The following DGCR8 variants were observed in gnomAD, a reference collection of about 807,000 sequenced individuals.
The protein encoded by DGCR8 is DGCR8 microprocessor complex subunit.
In DGCR8, 14 loss-of-function variants were observed where a neutral mutation model predicts 78.5. The observed-to-expected ratio is 0.18, with a 90% CI of 0.12 to 0.28. The LOEUF (loss-of-function observed/expected upper bound fraction) is 0.28. Ranked by LOEUF, DGCR8 falls within the 10% of genes least tolerant of loss-of-function variation. DGCR8 has a pLI of 1.00. For missense variants in DGCR8, 702 were observed against 1,022.5 expected, an observed-to-expected ratio of 0.69 and a Z score of 4.28; for synonymous variants, 399 against 402.4, an observed-to-expected ratio of 0.99 and a Z score of 0.10.
At chr22:20,102,498 G>A (rs1175313877) in intron 9 of DGCR8, among the ~76,000 whole-genome samples, 1 of 152,204 alleles carries the variant, frequency 6.6e-6, no homozygotes, top group Non-Finnish European at 1.5e-5. Flanking sequence ...CAGTAAGGCT[G>A]CTGTAAGGTC....
Position 20,086,489 on chromosome 22 carries a change from G to A in DGCR8, c.526G>A (p.Gly176Ser), listed in dbSNP as rs541503891. The A allele has an allele frequency of 2.3e-5, 37 of 1,614,030 alleles. 1 individual carries two copies. The South Asian group carries it at 4.0e-4, about 17-fold the overall frequency. The part of the protein sequence containing the change: ...GSVGDGVGIG[G>S]ESADKKDEEN... ...TGTTGGTGACGGGGTAGGCATAGGG[G>A]GTGAGAGTGCTGATAAGAAGGATGA... The change falls in exon 2 of 14, where the codon GGT (glycine) becomes AGT (serine). Residue 176 changes from glycine to serine, a missense_variant. Gly to Ser is a moderately conservative substitution (Grantham distance 56). Transcript: ENST00000351989. The surrounding 1 kb of genome is among the most constrained non-coding windows in gnomAD (Gnocchi z 6.4).
Position 20,106,673 on chromosome 22 carries a change from T to C in DGCR8, c.1971T>C (p.Cys657=). 1 of 1,613,914 alleles carries C rather than the reference T, an allele frequency of 6.2e-7. No homozygotes were observed. Among genetic ancestry groups the C allele is most frequent in the Non-Finnish European group, 8.5e-7 (1 of 1,179,758 alleles). The change falls in exon 11 of 14, where the codon TGT becomes TGC. Residue 657 remains cysteine, a synonymous_variant. Transcript: ENST00000351989. ...KNQKSEYVMA[C]GKHTVRGWCK... Reference sequence around the variant, plus strand: ...AGAAGAGTGAATACGTCATGGCGTGTGGCAAGCACACAGTGCGCGGGTGGT... The same window carrying C: ...AGAAGAGTGAATACGTCATGGCGTGCGGCAAGCACACAGTGCGCGGGTGGT...
chr22:20,093,555 A>G (rs2049591620), intron 8 of DGCR8, among the ~76,000 whole-genome samples: 1 of 152,170 alleles, frequency 6.6e-6, no homozygotes, highest in African/African-American at 2.4e-5. Context: ...TTTTAAACTG[A>G]GCAGCATGTG....
intron 8 of DGCR8, among the ~76,000 whole-genome samples, chr22:20,093,572 C>G (rs185048578): frequency 6.6e-6 from 1 of 152,322 alleles, no homozygotes; most frequent in Admixed American, 6.5e-5. Flanking sequence ...TGTGGGCATG[C>G]CAGGAGGGAG....
chr22:20,094,261 G>GCCCTCTAGCAGCT (rs1301767808), intron 8 of DGCR8, among the ~76,000 whole-genome samples: 4 of 152,146 alleles, frequency 2.6e-5, no homozygotes, highest in Admixed American at 2.6e-4. Context: ...TCCGTGCCCT[G>GCCCTCTAGCAGCT]CCCTCTAGCA....
At chr22:20,091,774 G>T in intron 6 of DGCR8, 95 bp from the exon 7 acceptor site, 1 of 1,488,840 alleles carries the variant, frequency 6.7e-7, no homozygotes, top group South Asian at 1.1e-5. Flanking sequence ...CACATTCACG[G>T]TCGTGAGCCC....
chr22:20,099,165 A>C (rs989712871), intron 9 of DGCR8, among the ~76,000 whole-genome samples: 1 of 152,324 alleles, frequency 6.6e-6, no homozygotes. Context: ...CCACCTGCAC[A>C]GAGTCTCCAG....
chr22:20,093,591 G>T (rs1427729931), intron 8 of DGCR8, among the ~76,000 whole-genome samples: 1 of 152,184 alleles, frequency 6.6e-6, no homozygotes, highest in African/African-American at 2.4e-5. Flanking sequence ...AGGAGAAGCG[G>T]GCCAGCATGC....
chr22:20,105,829 C>T (rs2049763001), intron 9 of DGCR8, among the ~76,000 whole-genome samples: 1 of 152,168 alleles, frequency 6.6e-6, no homozygotes, highest in Admixed American at 6.5e-5. Context: ...TGCAAAGGTG[C>T]TTTATCTTTA....
chr22:20,106,326 T>C, intron 10 of DGCR8, 49 bp downstream of exon 10: 1 of 1,444,724 alleles, frequency 6.9e-7, no homozygotes, highest in Non-Finnish European at 9.7e-7. Flanking sequence ...GGGGAGCTCC[T>C]CTCTGGCGTC....
rs772269425 is a variant in DGCR8 at position 20,106,154 on chromosome 22, C to A, written c.1789-23C>A. 56 of 1,610,120 alleles carry A rather than the reference C, an allele frequency of 3.5e-5. No individual in the cohort carries two copies. The Admixed American group carries it at 4.8e-4, about 14-fold the overall frequency. On this transcript the variant is annotated intron_variant, in intron 9 of 13. Transcript: ENST00000351989. ...GGCCGGTGGGCCTGGTGGGGACTCA[C>A]AAGCCTCTGCTTTGTGTTGTAGTAT...
Position 20,090,019 on chromosome 22 carries a change from A to C in DGCR8, c.1067A>C (p.Lys356Thr), listed in dbSNP as rs761471069. ...AGTAGCATCCCTTGTCTGCATTATA[A>C]GAAAATGAAGGACAACGAGGAACGG... The part of the protein sequence containing the change: ...PLSSIPCLHY[K>T]KMKDNEEREQ... The change falls in exon 5 of 14, where the codon AAG becomes ACG. Residue 356 changes from lysine to threonine, a missense_variant. Transcript: ENST00000351989. 6.2e-7 allele frequency: 1 copy of C among 1,614,052 alleles called. No homozygotes were observed. Among genetic ancestry groups the C allele is most frequent in the Admixed American group, 1.7e-5 (1 of 59,992 alleles).
rs1038857584 is a variant in DGCR8, at chr22:20,085,854, C to T, written c.-110C>T. ...GCTTGACTAAGCCGCCAGCGCACAG[C>T]GCGGCAGGACGCGCCCGGGTCTCAG... On this transcript the variant is annotated 5_prime_UTR_variant, in exon 2 of 14. Transcript: ENST00000351989. This position sits in a 1 kb window ranked among gnomAD's most constrained non-coding sequence, Gnocchi z 6.2. 3 of 1,498,026 alleles carry T rather than the reference C, an allele frequency of 2.0e-6. No individual in the cohort carries two copies. Among genetic ancestry groups the T allele is most frequent in the Non-Finnish European group, 1.8e-6 (2 of 1,131,148 alleles). The allele number at this position is 1,498,026 out of a possible 1,614,324, so 92.8% of individuals were successfully genotyped here.
chr22:20,087,435 C>A lies in DGCR8; in HGVS notation c.880+114C>A. On this transcript the variant is annotated intron_variant, in intron 3 of 13. Coordinates refer to ENST00000351989, the MANE Select transcript of DGCR8 (RefSeq NM_022720.7). This position sits in a 1 kb window ranked among gnomAD's most constrained non-coding sequence, Gnocchi z 4.1. ...TGCCAGGTAGTGGGCTGGGTGGAGG[C>A]ATGTTTGAGGACAGGACAGAAATAT... is the stretch of plus-strand genomic sequence containing the variant. The A allele has an allele frequency of 8.1e-7, 1 of 1,236,368 alleles. No individual in the cohort carries two copies. Among genetic ancestry groups the A allele is most frequent in the Non-Finnish European group, 1.1e-6 (1 of 901,266 alleles). 76.6% of individuals were successfully genotyped at this position (1,236,368 alleles called of 1,614,324 possible). A position where few individuals can be genotyped will look rare whatever the true frequency, so the allele number is the denominator to read the frequency against.
chr22:20,108,478 A>G lies in DGCR8; in HGVS notation c.2125-412A>G, dbSNP rs1039659493. The stretch of plus-strand genomic sequence containing the variant: ...GCCAGCCTGATGCTGCTCTGCATTC[A>G]TGGAGTGTGCAGAGAGCTCAGTGCC... On this transcript the variant is annotated intron_variant, in intron 12 of 13. Coordinates refer to ENST00000351989, the MANE Select transcript of DGCR8 (RefSeq NM_022720.7). 4.0e-5 allele frequency: 7 copies of G among 177,128 alleles called. No homozygotes were observed. The East Asian group carries it at 6.3e-4, about 16-fold the overall frequency. 11.0% of individuals were successfully genotyped at this position (177,128 alleles called of 1,614,324 possible).
In DGCR8 at chr22:20,086,818, A is replaced by G; in HGVS notation, c.720+135A>G. 1.9e-6 allele frequency: 2 copies of G among 1,073,766 alleles called. No individual in the cohort carries two copies. The highest frequency in any genetic ancestry group is 2.6e-6 in the Non-Finnish European group (2 of 756,348). The allele number at this position is 1,073,766 out of a possible 1,614,324, so 66.5% of individuals were successfully genotyped here. On this transcript the variant is annotated intron_variant, in intron 2 of 13. Coordinates refer to ENST00000351989, the MANE Select transcript of DGCR8 (RefSeq NM_022720.7). The surrounding 1 kb of genome is among the most constrained non-coding windows in gnomAD (Gnocchi z 6.4). ...CCAAAATCCCCTCTGAGGTGGAATAATGTTAATGTGGAGAAGAGAAAGATG... is the reference window on the plus strand; with the variant it reads ...CCAAAATCCCCTCTGAGGTGGAATAGTGTTAATGTGGAGAAGAGAAAGATG...
At chr22:20,090,686 C>T (rs2049545725) in intron 5 of DGCR8, among the ~76,000 whole-genome samples, 1 of 152,212 alleles carries the variant, frequency 6.6e-6, no homozygotes, top group Non-Finnish European at 1.5e-5. Flanking sequence ...GGATAGTTCC[C>T]TCTTCAATCC....
intron 9 of DGCR8, among the ~76,000 whole-genome samples, chr22:20,103,910 A>T (rs1310399382): frequency 6.6e-6 from 1 of 152,194 alleles, no homozygotes; most frequent in African/African-American, 2.4e-5. Flanking sequence ...TCCATCTCAT[A>T]TAGATAGTGG....
chr22:20,080,299 C>A lies in DGCR8; in HGVS notation c.-362C>A. On this transcript the variant is annotated 5_prime_UTR_variant, in exon 1 of 14. Transcript: ENST00000351989. ...CGACCGGAGAGCCTGGACAGGCTTT[C>A]CAGATGGCTGCGGCGGTCGGTCGGT... is the stretch of plus-strand genomic sequence containing the variant. The A allele has an allele frequency of 1.0e-6, 1 of 981,098 alleles. No individual in the cohort carries two copies. The highest frequency in any genetic ancestry group is 1.2e-6 in the Non-Finnish European group (1 of 828,214). 60.8% of individuals were successfully genotyped at this position (981,098 alleles called of 1,614,324 possible).
Sources: gnomAD v4.1 joint callset for allele counts (sites outside exome capture counted in the v4.1 genomes callset) on GRCh38, gnomAD v4.1.1 for gene constraint, Gnocchi (gnomAD v3.1) non-coding constraint, MANE v1.5 for transcripts, NCBI Gene and HGNC (gene_info 2026-07-23, HGNC 2026-07-21) for gene names.